The following PLCB4 variants were observed in gnomAD, a reference collection of about 807,000 sequenced individuals.
PLCB4 encodes 1-phosphatidylinositol 4,5-bisphosphate phosphodiesterase beta-4.
In PLCB4, 77 loss-of-function variants were observed where a neutral mutation model predicts 178.8. The observed-to-expected ratio is 0.43, with a 90% CI of 0.36 to 0.52. PLCB4 has a LOEUF of 0.52. Ranked by LOEUF, PLCB4 falls within the 20% of genes least tolerant of loss-of-function variation. The pLI, the probability that PLCB4 is intolerant of heterozygous loss-of-function variation, is 0.00. For synonymous variants in PLCB4, 496 were observed against 490.8 expected (o/e 1.01, Z -0.14); for missense variants, 1,024 against 1,453.4 (o/e 0.70, Z 4.80).
intron 4 of PLCB4, among the ~76,000 whole-genome samples, chr20:9,330,808 C>T (rs966780853): frequency 1.3e-5 from 2 of 152,118 alleles, no homozygotes; most frequent in African/African-American, 2.4e-5. Flanking sequence ...ACGGTAAATC[C>T]GTTGGACAAT....
rs529649142 is a variant in PLCB4, at chr20:9,426,188, A to G, written c.2524+2236A>G. 7.9e-5 allele frequency among the ~76,000 whole-genome samples: 12 copies of G among 152,304 alleles called. No homozygotes were observed. The East Asian group carries it at 1.9e-3, about 24-fold the overall frequency. On this transcript the variant is annotated intron_variant, in intron 28 of 39. Coordinates refer to ENST00000378473, the MANE Select transcript of PLCB4 (RefSeq NM_001377142.1). ...CATCATTAGATTTATATTTAGCTAAAGAAAGATAGTGTGGATTTTCATTAC... is the reference window on the plus strand; with the variant it reads ...CATCATTAGATTTATATTTAGCTAAGGAAAGATAGTGTGGATTTTCATTAC...
chr20:9,271,054 A>G (rs2094397808), intron 3 of PLCB4, among the ~76,000 whole-genome samples: 2 of 152,162 alleles, frequency 1.3e-5, no homozygotes, highest in Non-Finnish European at 2.9e-5. Flanking sequence ...GCTGAGAAAA[A>G]GAAAAGGTTA....
chr20:9,134,809 A>T (rs948700541), intron 2 of PLCB4, among the ~76,000 whole-genome samples: 5 of 152,134 alleles, frequency 3.3e-5, no homozygotes, highest in Non-Finnish European at 1.5e-5. Flanking sequence ...TATTCTACTC[A>T]TCTTCCCTAT....
chr20:9,354,198 G>A (rs892760252), intron 7 of PLCB4, among the ~76,000 whole-genome samples: 1 of 152,170 alleles, frequency 6.6e-6, no homozygotes, highest in Non-Finnish European at 1.5e-5. Flanking sequence ...GCAGTGGGGT[G>A]TGTGTGAATT....
At position 9,373,121 on chromosome 20, in the gene PLCB4, AT is replaced by A; in HGVS notation, c.744+19del. On this transcript the variant is annotated intron_variant, in intron 12 of 39. Transcript: ENST00000378473. ...CTAAATGAAGTAAGCTTTTTCATAC[AT>A]TAACTCCATAAAGTCTGTGTGCAGT... The A allele has an allele frequency of 7.7e-7, 1 of 1,297,976 alleles. No individual in the cohort carries two copies. Among genetic ancestry groups the A allele is most frequent in the South Asian group, 1.2e-5 (1 of 82,598 alleles). 80.4% of individuals were successfully genotyped at this position (1,297,976 alleles called of 1,614,324 possible). A position where few individuals can be genotyped will look rare whatever the true frequency, so the allele number is the denominator to read the frequency against.
chr20:9,138,846 G>A (rs941850069), intron 2 of PLCB4, among the ~76,000 whole-genome samples: 5 of 152,110 alleles, frequency 3.3e-5, no homozygotes, highest in Admixed American at 6.5e-5. Context: ...CATTACAACA[G>A]TTATAGATGC....
chr20:9,120,771 T>C (rs9679853), intron 2 of PLCB4, among the ~76,000 whole-genome samples: 19,877 of 151,942 alleles, frequency 0.13, 1,514 homozygotes, highest in Middle Eastern at 0.19. Context: ...CAAAATTCCT[T>C]AACTAGACCG....
rs760007289 is a variant in PLCB4, at chr20:9,443,966, T to G, written c.2765-15T>G. 1.3e-6 allele frequency: 2 copies of G among 1,485,838 alleles called. No homozygotes were observed. The highest frequency in any genetic ancestry group is 1.2e-5 in the South Asian group (1 of 84,744). The allele number at this position is 1,485,838 out of a possible 1,614,324, so 92.0% of individuals were successfully genotyped here. A position where few individuals can be genotyped will look rare whatever the true frequency, so the allele number is the denominator to read the frequency against. Reference sequence around the variant, plus strand: ...TTTAGTATACATAGTGACTTAATTTTTTTTGTTTGTTTAGGTATTGAACTT... The same window carrying G: ...TTTAGTATACATAGTGACTTAATTTGTTTTGTTTGTTTAGGTATTGAACTT... On this transcript the variant is annotated splice_polypyrimidine_tract_variant and intron_variant, in intron 30 of 39. Transcript: ENST00000378473.
At chr20:9,342,727 A>G (rs1374724239) in intron 7 of PLCB4, among the ~76,000 whole-genome samples, 2 of 149,946 alleles carry the variant, frequency 1.3e-5, no homozygotes, top group African/African-American at 2.5e-5. Context: ...TTTAAGGTGG[A>G]TCTGAGACTA....
At chr20:9,234,790 G>T (rs1255665497) in intron 3 of PLCB4, among the ~76,000 whole-genome samples, 2 of 152,088 alleles carry the variant, frequency 1.3e-5, no homozygotes, top group South Asian at 4.1e-4. Flanking sequence ...AGGAAAAAGA[G>T]GCTGGTTCTT....
At chr20:9,303,041 T>A (rs556193458) in intron 3 of PLCB4, among the ~76,000 whole-genome samples, 1 of 152,228 alleles carries the variant, frequency 6.6e-6, no homozygotes, top group South Asian at 2.1e-4. Flanking sequence ...CAAACTGGGA[T>A]GGCCACCATG....
At chr20:9,298,241 A>G (rs1180383389) in intron 3 of PLCB4, among the ~76,000 whole-genome samples, 2 of 152,118 alleles carry the variant, frequency 1.3e-5, no homozygotes, top group South Asian at 4.1e-4. Context: ...TCATGCTTCT[A>G]TATGACTATC....
At chr20:9,371,981 C>CT (rs2036290537) in intron 10 of PLCB4, among the ~76,000 whole-genome samples, 1 of 152,210 alleles carries the variant, frequency 6.6e-6, no homozygotes, top group Non-Finnish European at 1.5e-5. Flanking sequence ...CAGGCAGGCA[C>CT]TTTTCTCCCT....
intron 33 of PLCB4, among the ~76,000 whole-genome samples, chr20:9,457,142 C>T (rs1290856837): frequency 2.0e-5 from 3 of 152,176 alleles, no homozygotes; most frequent in Non-Finnish European, 4.4e-5. Context: ...AAAACAGGAA[C>T]CAAAATGGAA....
chr20:9,243,812 T>C (rs1309504633), intron 3 of PLCB4, among the ~76,000 whole-genome samples: 1 of 152,216 alleles, frequency 6.6e-6, no homozygotes, highest in Non-Finnish European at 1.5e-5. Flanking sequence ...GTGCCTCAAA[T>C]TTCTCATCTG....
At chr20:9,383,257 A>G (rs1403626345) in intron 13 of PLCB4, among the ~76,000 whole-genome samples, 1 of 152,226 alleles carries the variant, frequency 6.6e-6, no homozygotes, top group African/African-American at 2.4e-5. Context: ...GGTGGGGTAT[A>G]CAGGATGCTG....
chr20:9,128,112 A>C (rs2092173982), intron 2 of PLCB4, among the ~76,000 whole-genome samples: 1 of 152,068 alleles, frequency 6.6e-6, no homozygotes, highest in South Asian at 2.1e-4. Context: ...ATCCCTCATG[A>C]ATGGCTTAGC....
At chr20:9,431,736 T>G (rs951046937) in intron 28 of PLCB4, among the ~76,000 whole-genome samples, 1 of 151,860 alleles carries the variant, frequency 6.6e-6, no homozygotes, top group African/African-American at 2.4e-5. Context: ...TCTTAAATTC[T>G]TGACCTCAAA....
intron 2 of PLCB4, among the ~76,000 whole-genome samples, chr20:9,208,973 A>G (rs971058315): frequency 6.6e-6 from 1 of 152,248 alleles, no homozygotes; most frequent in African/African-American, 2.4e-5. Flanking sequence ...TAATTTAATT[A>G]AAACATTTTG....
Sources: gnomAD v4.1 joint callset for allele counts (sites outside exome capture counted in the v4.1 genomes callset) on GRCh38, gnomAD v4.1.1 for gene constraint, MANE v1.5 for transcripts, NCBI Gene and HGNC (gene_info 2026-07-23, HGNC 2026-07-21) for gene names.